Variants in COL4A1 observed in about 807,000 individuals in gnomAD.
The protein encoded by COL4A1 is collagen alpha-1(IV) chain.
In COL4A1, 40 loss-of-function variants were observed where a neutral mutation model predicts 216.6. The ratio of observed to expected loss-of-function variants is 0.18; its 90% confidence interval spans 0.14 to 0.24. The LOEUF (loss-of-function observed/expected upper bound fraction) is 0.24. COL4A1 is among the 10% of genes least tolerant of loss of function. The pLI is 1.00. For missense variants in COL4A1, 1,628 were observed against 2,196.8 expected, an observed-to-expected ratio of 0.74 and a Z score of 5.18; for synonymous variants, 839 against 810.7, an observed-to-expected ratio of 1.03 and a Z score of -0.59.
intron 1 of COL4A1, among the ~76,000 whole-genome samples, chr13:110,286,487 TATC>T (rs1176415965): frequency 6.6e-6 from 1 of 152,052 alleles, no homozygotes; most frequent in African/African-American, 2.4e-5. Flanking sequence ...GAGGCAGAAG[TATC>T]ATGCCAAGAA....
chr13:110,252,614 T>C lies in COL4A1; in HGVS notation c.85-9880A>G, dbSNP rs111205952. Among the ~76,000 whole-genome samples, 552 of 58,450 alleles carry C rather than the reference T, an allele frequency of 9.4e-3. 42 individuals are homozygous for C. Among genetic ancestry groups the C allele is most frequent in the African/African-American group, 0.014 (232 of 16,616 alleles). The allele number at this position is 58,450 out of a possible 152,430, so 38.3% of individuals were successfully genotyped here. A position where few individuals can be genotyped will look rare whatever the true frequency, so the allele number is the denominator to read the frequency against. On this transcript the variant is annotated intron_variant, in intron 1 of 51. Coordinates refer to ENST00000375820, the MANE Select transcript of COL4A1 (RefSeq NM_001845.6). ...ATTATACGTATATATGTATTATATA[T>C]GTATAATTGTATATATTATATATAC...
intron 1 of COL4A1, among the ~76,000 whole-genome samples, chr13:110,259,762 G>T (rs1882740314): frequency 6.6e-6 from 1 of 152,186 alleles, no homozygotes; most frequent in Non-Finnish European, 1.5e-5. Flanking sequence ...TTAATTTAAT[G>T]GTCACAGAAA....
intron 1 of COL4A1, among the ~76,000 whole-genome samples, chr13:110,246,734 G>A (rs1232919255): frequency 6.6e-6 from 1 of 152,132 alleles, no homozygotes; most frequent in South Asian, 2.1e-4. Flanking sequence ...CATACCATCT[G>A]TTTCAGATTC....
chr13:110,249,027 C>T (rs1344369479), intron 1 of COL4A1, among the ~76,000 whole-genome samples: 2 of 152,056 alleles, frequency 1.3e-5, no homozygotes, highest in Admixed American at 6.5e-5. Context: ...ATGGCTCTCC[C>T]CAGCTCCATG....
intron 18 of COL4A1, chr13:110,201,785 C>T: frequency 1.6e-6 from 1 of 618,274 alleles, no homozygotes. Flanking sequence ...AGTTCGAGAC[C>T]AGCCTGGTCA....
intron 26 of COL4A1, among the ~76,000 whole-genome samples, chr13:110,184,705 TTG>T (rs59975908): frequency 0.3 from 44,455 of 148,348 alleles, 6,489 homozygotes; most frequent in East Asian, 0.42. Context: ...TGTGTGTGTT[TTG>T]TTTGTTTGTT....
chr13:110,211,762 A>G lies in COL4A1; in HGVS notation c.442-89T>C, dbSNP rs781654086. 1.2e-5 allele frequency: 17 copies of G among 1,458,734 alleles called. 1 individual carries two copies. Among genetic ancestry groups the G allele is most frequent in the South Asian group, 1.1e-4 (9 of 78,618 alleles). The allele number at this position is 1,458,734 out of a possible 1,614,324, so 90.4% of individuals were successfully genotyped here. A position where few individuals can be genotyped will look rare whatever the true frequency, so the allele number is the denominator to read the frequency against. On this transcript the variant is annotated intron_variant, in intron 7 of 51. Transcript: ENST00000375820. This position sits in a 1 kb window ranked among gnomAD's most constrained non-coding sequence, Gnocchi z 4.3. ...TATCATGTAATATTATATATAAAATATAAGTTATTAAAACATAAGCAAAGA... is the reference window on the plus strand; with the variant it reads ...TATCATGTAATATTATATATAAAATGTAAGTTATTAAAACATAAGCAAAGA...
chr13:110,216,147 C>T (rs1470670759), intron 2 of COL4A1, among the ~76,000 whole-genome samples: 2 of 152,222 alleles, frequency 1.3e-5, no homozygotes, highest in East Asian at 1.9e-4. Context: ...CGTGACTCCA[C>T]GAGGGCCCTG....
At chr13:110,198,078 G>GGTGTGTGTGTGTGTGTGTGTGTGT (rs35751015) in intron 21 of COL4A1, among the ~76,000 whole-genome samples, 20 of 141,934 alleles carry the variant, frequency 1.4e-4, no homozygotes, top group Admixed American at 1.0e-3. Flanking sequence ...TTGTTTCTGG[G>GGTGTGTGTGTGTGTGTGTGTGTGT]GTGTGTGTGT....
intron 24 of COL4A1, among the ~76,000 whole-genome samples, chr13:110,189,994 A>G (rs569091690): frequency 8.5e-5 from 13 of 152,328 alleles, no homozygotes; most frequent in Non-Finnish European, 1.5e-4. Context: ...ATTATAACCA[A>G]TGTATATTTT....
At chr13:110,263,980 G>A (rs1428578728) in intron 1 of COL4A1, among the ~76,000 whole-genome samples, 1 of 152,210 alleles carries the variant, frequency 6.6e-6, no homozygotes, top group Non-Finnish European at 1.5e-5. Context: ...TGTAAAAACT[G>A]TATCAAAAGA....
intron 1 of COL4A1, among the ~76,000 whole-genome samples, chr13:110,264,460 C>A (rs1882947385): frequency 6.6e-6 from 1 of 151,818 alleles, no homozygotes; most frequent in Non-Finnish European, 1.5e-5. Context: ...TTCCTAAGAA[C>A]AACAGAGGGA....
At chr13:110,299,072 G>T (rs1367812055) in intron 1 of COL4A1, among the ~76,000 whole-genome samples, 3 of 152,200 alleles carry the variant, frequency 2.0e-5, no homozygotes, top group Non-Finnish European at 4.4e-5. Context: ...AGCTGGAACC[G>T]GGATTGCGGG....
Position 110,170,735 on chromosome 13 carries a change from G to A in COL4A1, c.3557-3C>T, listed in dbSNP as rs185281604. The A allele has an allele frequency of 9.0e-5, 145 of 1,614,140 alleles. 1 individual carries two copies. The African/African-American group carries it at 1.6e-3, about 18-fold the overall frequency. On this transcript the variant is annotated splice_region_variant and splice_polypyrimidine_tract_variant and intron_variant, in intron 41 of 51. Coordinates refer to ENST00000375820, the MANE Select transcript of COL4A1 (RefSeq NM_001845.6). ...GAAACCCACCTCACCCTTTGAACCTGAACAAGAAAAACAGTTTGAGGTGAT... is the reference window on the plus strand; with the variant it reads ...GAAACCCACCTCACCCTTTGAACCTAAACAAGAAAAACAGTTTGAGGTGAT...
At chr13:110,223,788 TG>T (rs1489402854) in intron 2 of COL4A1, among the ~76,000 whole-genome samples, 1 of 152,140 alleles carries the variant, frequency 6.6e-6, no homozygotes, top group Non-Finnish European at 1.5e-5. Flanking sequence ...CAGAGCTCTC[TG>T]GGGGTTCCTG....
At chr13:110,232,257 G>A (rs1472894830) in intron 2 of COL4A1, among the ~76,000 whole-genome samples, 1 of 152,124 alleles carries the variant, frequency 6.6e-6, no homozygotes, top group African/African-American at 2.4e-5. Flanking sequence ...CTGACAAAGG[G>A]GCACCACGTC....
chr13:110,160,661 G>A (rs1481832394), intron 49 of COL4A1, among the ~76,000 whole-genome samples: 1 of 152,146 alleles, frequency 6.6e-6, no homozygotes, highest in Non-Finnish European at 1.5e-5. Flanking sequence ...CTGCAAGCCT[G>A]GCATTATCTC....
At chr13:110,218,773 G>A (rs950785315) in intron 2 of COL4A1, among the ~76,000 whole-genome samples, 2 of 152,132 alleles carry the variant, frequency 1.3e-5, no homozygotes, top group African/African-American at 2.4e-5. Context: ...AGCTGCGTTC[G>A]GGACCACGAT....
In COL4A1 at chr13:110,216,364, G is replaced by A. The variant is rs181469977; in HGVS notation, c.145-2349C>T. Reference sequence around the variant, plus strand: ...CACCAATCTGGGGCACCCAGTTTTCGGATATAGGAAAAGTCTGCTCAAACC... The same window carrying A: ...CACCAATCTGGGGCACCCAGTTTTCAGATATAGGAAAAGTCTGCTCAAACC... On this transcript the variant is annotated intron_variant, in intron 2 of 51. Coordinates refer to ENST00000375820, the MANE Select transcript of COL4A1 (RefSeq NM_001845.6). Among the ~76,000 whole-genome samples, 35 of 152,238 alleles carry A rather than the reference G, an allele frequency of 2.3e-4. 1 individual carries two copies. In the East Asian group the frequency reaches 2.3e-3, roughly 10 times the overall value.
Sources: gnomAD v4.1 joint callset for allele counts (sites outside exome capture counted in the v4.1 genomes callset) on GRCh38, gnomAD v4.1.1 for gene constraint, Gnocchi (gnomAD v3.1) non-coding constraint, MANE v1.5 for transcripts, NCBI Gene and HGNC (gene_info 2026-07-23, HGNC 2026-07-21) for gene names.